Variants in LCN6 observed in about 807,000 individuals in gnomAD.
LCN6 encodes the protein lipocalin 6.
Under a neutral mutation model 21.4 loss-of-function variants are expected in LCN6, and 20 were observed. That is an observed-to-expected ratio of 0.93 (90% CI 0.66 to 1.36). The LOEUF (loss-of-function observed/expected upper bound fraction) is 1.36. Among genes scored for constraint, LCN6 ranks in the 40% most tolerant of loss-of-function variants. The pLI is 0.00. For synonymous variants in LCN6, 96 were observed against 89.0 expected (o/e 1.08, Z -0.44); for missense variants, 217 against 206.6 (o/e 1.05, Z -0.31).
chr9:136,745,769 C>G (rs1177881530), intron 3 of LCN6, 75 bp downstream of exon 3: 12 of 1,347,936 alleles, frequency 8.9e-6, no homozygotes, highest in African/African-American at 7.2e-5. Flanking sequence ...GTCAGCCCTC[C>G]GTCCCTGCCC....
In LCN6 at chr9:136,744,321, C is replaced by T. The variant is rs868448194; in HGVS notation, c.*48+18G>A. Reference sequence around the variant, plus strand: ...TCCCCCAAGAGAGCCCAGGGTGAGGCTCAGGATGGCGGCTTACCAGAAGGA... The same window carrying T: ...TCCCCCAAGAGAGCCCAGGGTGAGGTTCAGGATGGCGGCTTACCAGAAGGA... On this transcript the variant is annotated intron_variant, in intron 6 of 6. Transcript: ENST00000341206. The surrounding 1 kb of genome is among the most constrained non-coding windows in gnomAD (Gnocchi z 4.2). The T allele has an allele frequency of 1.1e-4, 29 of 253,734 alleles. No homozygotes were observed. The Middle Eastern group carries it at 5.2e-3, about 46-fold the overall frequency. The allele number at this position is 253,734 out of a possible 1,614,324, so 15.7% of individuals were successfully genotyped here.
intron 2 of LCN6, 153 bp from the exon 3 acceptor site, chr9:136,746,067 C>T (rs552908448): frequency 5.2e-5 from 35 of 670,698 alleles, no homozygotes; most frequent in Admixed American, 5.1e-5. Context: ...AACCTGTTCT[C>T]GGAGAGTGGA....
Position 136,748,505 on chromosome 9 carries a change from C to T in LCN6, c.-22G>A, listed in dbSNP as rs774532082. ...CCATCCTCCCAGGTCTACACTGCGC[C>T]GCAGGCCCAGGATGTGCAGTCCCTC... On this transcript the variant is annotated 5_prime_UTR_variant, in exon 1 of 7. Transcript: ENST00000341206. 48 of 1,609,002 alleles carry T rather than the reference C, an allele frequency of 3.0e-5. No homozygotes were observed. The highest frequency in any genetic ancestry group is 1.7e-4 in the Admixed American group (10 of 59,512).
At chr9:136,747,110 C>T in intron 2 of LCN6, 1 of 317,592 alleles carries the variant, frequency 3.1e-6, no homozygotes. Flanking sequence ...AGAGGACAGG[C>T]TTCCCCAGCT....
rs541328121 is a variant in LCN6, at chr9:136,745,030, T to C, written c.412+140A>G. The C allele has an allele frequency of 6.2e-4, 494 of 795,668 alleles. 6 individuals are homozygous for C. In the African/African-American group the frequency reaches 8.1e-3, roughly 13 times the overall value. 49.3% of individuals were successfully genotyped at this position (795,668 alleles called of 1,614,324 possible). ...CCCACTCACCACACAGCTCCCCACA[T>C]GGCCCCCGAGCGGCCCACTCACCAC... On this transcript the variant is annotated intron_variant, in intron 4 of 6. Coordinates refer to ENST00000341206, the MANE Select transcript of LCN6 (RefSeq NM_198946.3).
chr9:136,745,547 C>A (rs1847026274), intron 3 of LCN6: 1 of 590,296 alleles, frequency 1.7e-6, no homozygotes, highest in African/African-American at 1.9e-5. Context: ...CGAGGAGCGG[C>A]TGGGTCACAC....
At chr9:136,747,363 CATG>C (rs1262712905) in intron 2 of LCN6, 58 bp downstream of exon 2, 10 of 1,590,234 alleles carry the variant, frequency 6.3e-6, no homozygotes, top group Non-Finnish European at 8.6e-6. Flanking sequence ...GTGCAAAGTA[CATG>C]ATGTGGCTGA....
At chr9:136,746,313 G>A (rs1358013921) in intron 2 of LCN6, among the ~76,000 whole-genome samples, 3 of 135,532 alleles carry the variant, frequency 2.2e-5, no homozygotes, top group South Asian at 2.5e-4. Context: ...AGGATGGGGC[G>A]GGGTGGGGGT....
At position 136,744,961 on chromosome 9, in the gene LCN6, G is replaced by A. The variant is rs1230828239; in HGVS notation, c.412+209C>T. ...CCACACAGCTCCCCACATGGCCCCCGAGCGGCCCACTCACCACACAGCTCC... is the reference window on the plus strand; with the variant it reads ...CCACACAGCTCCCCACATGGCCCCCAAGCGGCCCACTCACCACACAGCTCC... On this transcript the variant is annotated intron_variant, in intron 4 of 6. Coordinates refer to ENST00000341206, the MANE Select transcript of LCN6 (RefSeq NM_198946.3). The surrounding 1 kb of genome is among the most constrained non-coding windows in gnomAD (Gnocchi z 4.2). Among the ~76,000 whole-genome samples, 2 of 148,368 alleles carry A rather than the reference G, an allele frequency of 1.3e-5. No homozygotes were observed. The highest frequency in any genetic ancestry group is 2.5e-5 in the African/African-American group (1 of 40,544).
Position 136,747,533 on chromosome 9 carries a change from C to A in LCN6, c.121G>T (p.Ala41Ser). Residue 41 changes from alanine (A) to serine (S), a missense_variant, in exon 2 of 7, where the codon GCC (alanine) becomes TCC (serine). Physicochemically the swap from Ala to Ser is moderately conservative, Grantham distance 99 (BLOSUM62 1). Coordinates refer to ENST00000341206, the MANE Select transcript of LCN6 (RefSeq NM_198946.3). ...LLGPWYVLAV[A>S]SREKGFAMEK... ...ATGGCAAAGCCCTTTTCCCGGGAGG[C>A]CACCGCAAGCACGTACCAGGGCCCA... 1.2e-6 allele frequency: 2 copies of A among 1,612,692 alleles called. No homozygotes were observed. The highest frequency in any genetic ancestry group is 1.7e-6 in the Non-Finnish European group (2 of 1,179,832).
In LCN6 at chr9:136,744,614, C is replaced by A; in HGVS notation, c.*22+26G>T. ...CTCCAGAACTTGCCCCAAGCCTCCC[C>A]CGAGGCTGCTCCGGTGGACACTCAC... On this transcript the variant is annotated intron_variant, in intron 5 of 6. Coordinates refer to ENST00000341206, the MANE Select transcript of LCN6 (RefSeq NM_198946.3). The surrounding 1 kb of genome is among the most constrained non-coding windows in gnomAD (Gnocchi z 4.2). 1 of 1,486,170 alleles carries A rather than the reference C, an allele frequency of 6.7e-7. No homozygotes were observed. Among genetic ancestry groups the A allele is most frequent in the Non-Finnish European group, 9.3e-7 (1 of 1,074,928 alleles). The allele number at this position is 1,486,170 out of a possible 1,614,324, so 92.1% of individuals were successfully genotyped here.
At chr9:136,745,345 C>T in intron 3 of LCN6, 65 bp from the exon 4 acceptor site, 1 of 1,123,212 alleles carries the variant, frequency 8.9e-7, no homozygotes, top group Non-Finnish European at 1.3e-6. Flanking sequence ...GGCCGCTGAG[C>T]TGATGCTGGC....
At position 136,745,293 on chromosome 9, in the gene LCN6, AC is replaced by A. The variant is rs760960807; in HGVS notation, c.302-14del. 13 of 1,568,068 alleles carry A rather than the reference AC, an allele frequency of 8.3e-6. No homozygotes were observed. The highest frequency in any genetic ancestry group is 1.1e-5 in the Non-Finnish European group (13 of 1,145,278). On this transcript the variant is annotated splice_polypyrimidine_tract_variant and intron_variant, in intron 3 of 6. Transcript: ENST00000341206. ...AGCACGCCTATTGCTAGGAAACAAA[AC>A]CCCCCGCCTCAGGGGAGGGCAGCTG...
At chr9:136,745,978 G>T in intron 2 of LCN6, 64 bp from the exon 3 acceptor site, 1 of 1,419,290 alleles carries the variant, frequency 7.0e-7, no homozygotes, top group Admixed American at 1.7e-5. Context: ...GAGAGGAGAC[G>T]GAGCTCAGGA....
chr9:136,747,624 A>AG (rs1847060227), intron 1 of LCN6, 61 bp from the exon 2 acceptor site: 1 of 1,507,818 alleles, frequency 6.6e-7, no homozygotes, highest in Non-Finnish European at 8.8e-7. Flanking sequence ...TCCAGCCTCC[A>AG]ACCCTCCAGC....
At position 136,745,068 on chromosome 9, in the gene LCN6, G is replaced by A. The variant is rs7861174; in HGVS notation, c.412+102C>T. Reference sequence around the variant, plus strand: ...GCCCACTCACCACACAGCTCCCCACGCGGCCCCCAAGCGGCCCACGCACCA... The same window carrying A: ...GCCCACTCACCACACAGCTCCCCACACGGCCCCCAAGCGGCCCACGCACCA... On this transcript the variant is annotated intron_variant, in intron 4 of 6. Transcript: ENST00000341206. 2,632 of 854,046 alleles carry A rather than the reference G, an allele frequency of 3.1e-3. 66 individuals are homozygous for A. In the African/African-American group the frequency reaches 0.044, roughly 14 times the overall value. The allele number at this position is 854,046 out of a possible 1,614,324, so 52.9% of individuals were successfully genotyped here. A position where few individuals can be genotyped will look rare whatever the true frequency, so the allele number is the denominator to read the frequency against.
intron 3 of LCN6, 93 bp from the exon 4 acceptor site, chr9:136,745,373 C>A (rs945829145): frequency 1.2e-6 from 1 of 858,442 alleles, no homozygotes; most frequent in Non-Finnish European, 1.9e-6. Flanking sequence ...ACAGAGGGGC[C>A]AATTCAAGTG....
chr9:136,747,502 T>C lies in LCN6; in HGVS notation c.152A>G (p.Lys51Arg). The change falls in exon 2 of 7, where the codon AAG (lysine) becomes AGG (arginine). Residue 51 changes from lysine (K) to arginine (R), a missense_variant. Physicochemically the swap from Lys to Arg is conservative, Grantham distance 26. Transcript: ENST00000341206. The stretch of plus-strand genomic sequence containing the variant: ...CACCCCCACGACGTTCTTCATGTCC[T>C]TCTCCATGGCAAAGCCCTTTTCCCG... ...ASREKGFAMEKDMKNVVGVVV... is the reference protein window; with the variant it reads ...ASREKGFAMERDMKNVVGVVV... 1 of 1,613,562 alleles carries C rather than the reference T, an allele frequency of 6.2e-7. No homozygotes were observed. Among genetic ancestry groups the C allele is most frequent in the South Asian group, 1.1e-5 (1 of 91,088 alleles).
intron 2 of LCN6, among the ~76,000 whole-genome samples, chr9:136,746,361 G>A (rs1444401376): frequency 7.7e-6 from 1 of 129,448 alleles, no homozygotes; most frequent in Admixed American, 8.0e-5. Context: ...GTGGGGTGGG[G>A]GTTCGCCTGC....
Sources: allele counts gnomAD v4.1 joint callset (sites outside exome capture counted in the v4.1 genomes callset), GRCh38; gene constraint gnomAD v4.1.1; non-coding constraint Gnocchi (gnomAD v3.1); transcripts MANE v1.5; gene names NCBI Gene and HGNC (gene_info 2026-07-23, HGNC 2026-07-21).